SPOCK3: variants seen among roughly 807,000 people sequenced by gnomAD.
SPOCK3 encodes SPARC (osteonectin), cwcv and kazal like domains proteoglycan 3.
In SPOCK3, 30 loss-of-function variants were observed where a neutral mutation model predicts 56.6. The observed-to-expected ratio is 0.53, with a 90% CI of 0.40 to 0.72. The LOEUF (loss-of-function observed/expected upper bound fraction) is 0.72. SPOCK3 is among the 30% of genes least tolerant of loss of function. SPOCK3 has a pLI of 0.00. For synonymous variants in SPOCK3, 196 were observed against 183.3 expected, an observed-to-expected ratio of 1.07 and a Z score of -0.56; for missense variants, 527 against 530.0, an observed-to-expected ratio of 0.99 and a Z score of 0.06.
At chr4:167,223,156 AT>A (rs1436789213) in intron 2 of SPOCK3, among the ~76,000 whole-genome samples, 4 of 125,646 alleles carry the variant, frequency 3.2e-5, no homozygotes, top group Admixed American at 2.6e-4. Flanking sequence ...ATGAATATAT[AT>A]TTTATATATG....
chr4:167,030,096 TC>T (rs1449022774), intron 3 of SPOCK3, among the ~76,000 whole-genome samples: 96 of 149,002 alleles, frequency 6.4e-4, no homozygotes, highest in African/African-American at 1.4e-3. Context: ...TATCTATCTA[TC>T]TATCTATCTA....
intron 4 of SPOCK3, among the ~76,000 whole-genome samples, chr4:166,983,778 T>G (rs557983853): frequency 6.6e-6 from 1 of 152,078 alleles, no homozygotes; most frequent in African/African-American, 2.4e-5. Flanking sequence ...TGTGGAATTA[T>G]GTAGTTATCT....
chr4:166,809,980 A>G (rs62355258), intron 6 of SPOCK3, among the ~76,000 whole-genome samples: 10,830 of 152,168 alleles, frequency 0.071, 515 homozygotes, highest in Non-Finnish European at 0.1. Flanking sequence ...ACTAATATGA[A>G]TAACAACCAC....
rs549805099 is a variant in SPOCK3 at position 167,166,807 on chromosome 4, G to A, written c.189+67178C>T. 7.9e-5 allele frequency among the ~76,000 whole-genome samples: 12 copies of A among 152,188 alleles called. 1 individual carries two copies. The highest frequency in any genetic ancestry group is 2.6e-4 in the African/African-American group (11 of 41,550). On this transcript the variant is annotated intron_variant, in intron 2 of 10. Transcript: ENST00000357545. ...GGCAATGGTTTTAAAATACCAAGGAGCCTTTTTGTATCATGATTCTGTAGC... is the reference window on the plus strand; with the variant it reads ...GGCAATGGTTTTAAAATACCAAGGAACCTTTTTGTATCATGATTCTGTAGC...
chr4:167,220,448 G>A (rs965599352), intron 2 of SPOCK3, among the ~76,000 whole-genome samples: 2 of 147,794 alleles, frequency 1.4e-5, no homozygotes, highest in Admixed American at 6.8e-5. Context: ...GTGTGATCAC[G>A]GCTCACTGCA....
chr4:167,103,252 C>T (rs1759813743), intron 2 of SPOCK3, among the ~76,000 whole-genome samples: 1 of 152,102 alleles, frequency 6.6e-6, no homozygotes, highest in African/African-American at 2.4e-5. Flanking sequence ...ATGCTGGCTT[C>T]AGAGACCAGT....
At chr4:166,966,421 C>A (rs1170916419) in intron 4 of SPOCK3, among the ~76,000 whole-genome samples, 1 of 152,122 alleles carries the variant, frequency 6.6e-6, no homozygotes, top group East Asian at 1.9e-4. Context: ...CTCAATCATA[C>A]AAGTGCTTTC....
chr4:167,023,226 T>C (rs1333345749), intron 3 of SPOCK3, among the ~76,000 whole-genome samples: 4 of 151,900 alleles, frequency 2.6e-5, no homozygotes, highest in Non-Finnish European at 2.9e-5. Context: ...GGGGACCATT[T>C]TGCATCTTGG....
chr4:166,954,316 A>G (rs1236449054), intron 4 of SPOCK3, among the ~76,000 whole-genome samples: 1 of 152,086 alleles, frequency 6.6e-6, no homozygotes, highest in East Asian at 1.9e-4. Flanking sequence ...ATATCATCCC[A>G]TCTGTCTATT....
Position 166,823,627 on chromosome 4 carries a change from T to C in SPOCK3, c.590-31338A>G, listed in dbSNP as rs144437031. ...TGCAGCAAGTCACTAGAGAGAAGAA[T>C]GAATTCTCACCAATATTAAAATATG... On this transcript the variant is annotated intron_variant, in intron 6 of 10. Coordinates refer to ENST00000357545, the MANE Select transcript of SPOCK3 (RefSeq NM_001040159.2). Among the ~76,000 whole-genome samples the C allele has an allele frequency of 2.2e-4, 33 of 152,234 alleles. 2 individuals are homozygous for C. In the East Asian group the frequency reaches 6.2e-3, roughly 29 times the overall value.
chr4:167,109,487 T>TATA (rs560682840), intron 2 of SPOCK3, among the ~76,000 whole-genome samples: 18,721 of 115,252 alleles, frequency 0.16, 1,703 homozygotes, highest in Middle Eastern at 0.21. Context: ...TTATATAAAA[T>TATA]ATATTTATAT....
chr4:167,002,522 AT>A (rs1351340499), intron 3 of SPOCK3, among the ~76,000 whole-genome samples: 4 of 152,174 alleles, frequency 2.6e-5, no homozygotes, highest in South Asian at 2.1e-4. Flanking sequence ...TACTAAGATA[AT>A]TTTTTAAATA....
chr4:166,788,183 AAAAC>A (rs146172189), intron 7 of SPOCK3, among the ~76,000 whole-genome samples: 24 of 151,468 alleles, frequency 1.6e-4, no homozygotes, highest in Admixed American at 5.3e-4. Flanking sequence ...CTCCATTTAA[AAAAC>A]AAACAAACAA....
At chr4:166,762,482 C>A (rs1737375337) in intron 7 of SPOCK3, among the ~76,000 whole-genome samples, 1 of 151,540 alleles carries the variant, frequency 6.6e-6, no homozygotes, top group South Asian at 2.1e-4. Flanking sequence ...AGGAAAAGAA[C>A]ACTGGGGAAA....
chr4:167,056,755 G>T (rs866668948), intron 3 of SPOCK3, among the ~76,000 whole-genome samples: 1 of 152,102 alleles, frequency 6.6e-6, no homozygotes, highest in Non-Finnish European at 1.5e-5. Flanking sequence ...AAAAAGAAAC[G>T]AACAAAGCCT....
chr4:167,117,187 C>G (rs944506253), intron 2 of SPOCK3, among the ~76,000 whole-genome samples: 24 of 151,740 alleles, frequency 1.6e-4, no homozygotes, highest in African/African-American at 5.3e-4. Context: ...ATCACATATA[C>G]CCCATAAATA....
chr4:167,134,832 A>G (rs949487782), intron 2 of SPOCK3, among the ~76,000 whole-genome samples: 1 of 152,086 alleles, frequency 6.6e-6, no homozygotes, highest in African/African-American at 2.4e-5. Context: ...ATAACTATGT[A>G]GCATATTTAC....
In SPOCK3 at chr4:166,899,496, A is replaced by ATTTC. The variant is rs1423694794; in HGVS notation, c.475-10256_475-10253dup. ...ACAAAGTTTGGCATCTGTTCAGTGT[A>ATTTC]TTTCTTTCTTTCTTTTTTTTTTTTT... On this transcript the variant is annotated intron_variant, in intron 5 of 10. Coordinates refer to ENST00000357545, the MANE Select transcript of SPOCK3 (RefSeq NM_001040159.2). Among the ~76,000 whole-genome samples the ATTTC allele has an allele frequency of 3.6e-4, 36 of 98,636 alleles. 1 individual carries two copies. The highest frequency in any genetic ancestry group is 9.8e-4 in the East Asian group (3 of 3,050). The allele number at this position is 98,636 out of a possible 152,430, so 64.7% of individuals were successfully genotyped here. A position where few individuals can be genotyped will look rare whatever the true frequency, so the allele number is the denominator to read the frequency against.
chr4:166,975,879 T>C (rs1169952522), intron 4 of SPOCK3, among the ~76,000 whole-genome samples: 1 of 152,162 alleles, frequency 6.6e-6, no homozygotes, highest in East Asian at 1.9e-4. Context: ...AGTACTCTAT[T>C]GTGTATATGT....
Sources: gnomAD v4.1 joint callset for allele counts (sites outside exome capture counted in the v4.1 genomes callset) on GRCh38, gnomAD v4.1.1 for gene constraint, MANE v1.5 for transcripts, NCBI Gene and HGNC (gene_info 2026-07-23, HGNC 2026-07-21) for gene names.